Variants in RNF17 observed in about 807,000 individuals in gnomAD.
RNF17 encodes ring finger protein 17.
Under a neutral mutation model 200.5 loss-of-function variants are expected in RNF17, and 31 were observed. The ratio of observed to expected loss-of-function variants is 0.15; its 90% CI spans 0.12 to 0.21. The LOEUF is 0.21. Among genes scored for constraint, RNF17 ranks in the 10% least tolerant of loss-of-function variants. The pLI is 1.00. For missense variants in RNF17, 1,628 were observed against 1,905.1 expected (o/e 0.85, Z 2.71); for synonymous variants, 606 against 637.8 (o/e 0.95, Z 0.75).
chr13:24,780,882 C>CA (rs1160980881), intron 5 of RNF17, among the ~76,000 whole-genome samples: 78 of 141,158 alleles, frequency 5.5e-4, no homozygotes, highest in African/African-American at 1.5e-3. Flanking sequence ...ACTCCGTTTC[C>CA]AAAAAAAAAA....
At chr13:24,842,981 T>C (rs904070333) in intron 19 of RNF17, among the ~76,000 whole-genome samples, 1 of 150,006 alleles carries the variant, frequency 6.7e-6, no homozygotes, top group African/African-American at 2.5e-5. Context: ...AGCAAGACTC[T>C]GTCTAAAAAA....
intron 1 of RNF17, among the ~76,000 whole-genome samples, chr13:24,765,640 A>G (rs1040980238): frequency 5.3e-5 from 8 of 152,252 alleles, no homozygotes; most frequent in African/African-American, 1.7e-4. Flanking sequence ...GTTCTAGAAC[A>G]CAACCTTTTA....
chr13:24,870,669 C>G lies in RNF17; in HGVS notation c.4377C>G (p.Ser1459Arg), dbSNP rs144450852. ...TCAGCGGGGAATCAGAATCCGAGAGCCTTGATGAAGCACTGCAGAGGGTTA... is the reference window on the plus strand; with the variant it reads ...TCAGCGGGGAATCAGAATCCGAGAGGCTTGATGAAGCACTGCAGAGGGTTA... ...SGVSGESESE[S>R]LDEALQRVNK... is the part of the protein sequence containing the mutation. The change falls in exon 32 of 36, where the codon AGC (serine) becomes AGG (arginine). Residue 1459 changes from serine to arginine, a missense_variant. Coordinates refer to ENST00000255324, the MANE Select transcript of RNF17 (RefSeq NM_031277.3). 8.1e-6 allele frequency: 13 copies of G among 1,614,104 alleles called. No homozygotes were observed. Among genetic ancestry groups the G allele is most frequent in the Admixed American group, 1.7e-5 (1 of 60,026 alleles).
chr13:24,843,676 C>A (rs1029469502), intron 19 of RNF17, 68 bp from the exon 20 acceptor site: 6 of 899,174 alleles, frequency 6.7e-6, no homozygotes, highest in Admixed American at 2.1e-5. Flanking sequence ...AGTCAAGATA[C>A]AGACCTGAGC....
intron 1 of RNF17, among the ~76,000 whole-genome samples, chr13:24,765,160 C>T (rs906623012): frequency 1.3e-5 from 2 of 152,074 alleles, no homozygotes; most frequent in Non-Finnish European, 2.9e-5. Flanking sequence ...GGACTACAGG[C>T]GCCCGCCACC....
chr13:24,788,015 A>G lies in RNF17; in HGVS notation c.639A>G (p.Ala213=). ...AAAAGAACCTGTGTGAAGAATTTGCAAGAACTACTGATGATTATCTATCAA... is the reference window on the plus strand; with the variant it reads ...AAAAGAACCTGTGTGAAGAATTTGCGAGAACTACTGATGATTATCTATCAA... ...SRKKNLCEEF[A]RTTDDYLSNL... is the part of the protein sequence containing the mutation. Residue 213 remains alanine (A), a synonymous_variant, in exon 7 of 36, where the codon GCA becomes GCG. Coordinates refer to ENST00000255324, the MANE Select transcript of RNF17 (RefSeq NM_031277.3). 6.4e-7 allele frequency: 1 copy of G among 1,564,448 alleles called. No individual in the cohort carries two copies. The highest frequency in any genetic ancestry group is 2.3e-5 in the East Asian group (1 of 44,008).
the RNF17 span, among the ~76,000 whole-genome samples, chr13:24,750,165 G>T: frequency 0.67 from 101,434 of 152,022 alleles, 34,357 homozygotes; most frequent in African/African-American, 0.76. Context: ...TCAGATTATC[G>T]CTACTTCAGA....
Position 24,825,697 on chromosome 13 carries a change from A to G in RNF17, c.2170A>G (p.Ile724Val). The change falls in exon 16 of 36, where the codon ATC becomes GTC. Residue 724 changes from isoleucine (I) to valine (V), a missense_variant. Physicochemically the swap from Ile to Val is conservative, Grantham distance 29. Transcript: ENST00000255324. ...YKSEDGENLE[I>V]LCPVQDQACV... ...AAGTGAAGATGGAGAAAATCTGGAAATCCTCTGTCCAGTTCAAGATCAAGC... is the reference window on the plus strand; with the variant it reads ...AAGTGAAGATGGAGAAAATCTGGAAGTCCTCTGTCCAGTTCAAGATCAAGC... The G allele has an allele frequency of 6.2e-7, 1 of 1,613,336 alleles. No homozygotes were observed. The highest frequency in any genetic ancestry group is 8.5e-7 in the Non-Finnish European group (1 of 1,179,368).
chr13:24,883,965 T>C, downstream of RNF17: 1 of 1,614,156 alleles, frequency 6.2e-7, no homozygotes, highest in Non-Finnish European at 8.5e-7. Context: ...TGCCATACCG[T>C]TGTACTCTGA....
chr13:24,883,460 T>C, downstream of RNF17: 1 of 952,392 alleles, frequency 1.0e-6, no homozygotes, highest in Non-Finnish European at 1.6e-6. Flanking sequence ...CTTTTGAGTC[T>C]GGCAGCTACT....
chr13:24,879,295 T>G lies in RNF17; in HGVS notation c.*10T>G, dbSNP rs1895193533. On this transcript the variant is annotated splice_region_variant and 3_prime_UTR_variant, in exon 35 of 36. Coordinates refer to ENST00000255324, the MANE Select transcript of RNF17 (RefSeq NM_031277.3). Reference sequence around the variant, plus strand: ...AGATAAAGATGAATAAGTGCCTAAGTGTAAGTTCTCATTCTCTTCATAGCA... The same window carrying G: ...AGATAAAGATGAATAAGTGCCTAAGGGTAAGTTCTCATTCTCTTCATAGCA... 1 of 1,565,880 alleles carries G rather than the reference T, an allele frequency of 6.4e-7. No homozygotes were observed. Among genetic ancestry groups the G allele is most frequent in the Non-Finnish European group, 8.8e-7 (1 of 1,136,504 alleles).
intron 2 of RNF17, among the ~76,000 whole-genome samples, chr13:24,773,431 C>G (rs112855757): frequency 1.1e-3 from 161 of 152,286 alleles, no homozygotes; most frequent in Non-Finnish European, 1.5e-3. Context: ...AGGCCATTAT[C>G]CTAAGCAAAT....
At chr13:24,765,115 A>T (rs1487022117) in intron 1 of RNF17, among the ~76,000 whole-genome samples, 1 of 152,072 alleles carries the variant, frequency 6.6e-6, no homozygotes, top group Non-Finnish European at 1.5e-5. Context: ...TCCCAGGTTC[A>T]CGCCATTCTC....
chr13:24,834,377 T>A (rs1889737871), intron 18 of RNF17, among the ~76,000 whole-genome samples: 1 of 152,148 alleles, frequency 6.6e-6, no homozygotes, highest in African/African-American at 2.4e-5. Context: ...ATTGTGCCAC[T>A]GCACTCCAGC....
At chr13:24,792,017 C>G (rs1883926501) in intron 9 of RNF17, among the ~76,000 whole-genome samples, 1 of 152,166 alleles carries the variant, frequency 6.6e-6, no homozygotes, top group Non-Finnish European at 1.5e-5. Flanking sequence ...AGTCCTTCGG[C>G]TCAGTCATCT....
chr13:24,754,183 T>A, the RNF17 span, among the ~76,000 whole-genome samples: 1 of 151,092 alleles, frequency 6.6e-6, no homozygotes, highest in African/African-American at 2.4e-5. Context: ...AAAAATAAAA[T>A]AAAATAAATA....
intron 6 of RNF17, 69 bp downstream of exon 6, chr13:24,782,013 T>C (rs1882445856): frequency 9.9e-7 from 1 of 1,006,440 alleles, no homozygotes; most frequent in African/African-American, 1.6e-5. Flanking sequence ...TTGTATTCCT[T>C]TGTTTAGAAT....
At chr13:24,772,272 T>C (rs1166975149) in intron 2 of RNF17, among the ~76,000 whole-genome samples, 2 of 152,174 alleles carry the variant, frequency 1.3e-5, no homozygotes, top group Non-Finnish European at 2.9e-5. Flanking sequence ...GTCTTATTAA[T>C]TGGTGGAATA....
At chr13:24,764,580 G>C (rs970955552) in intron 1 of RNF17, among the ~76,000 whole-genome samples, 2 of 152,244 alleles carry the variant, frequency 1.3e-5, no homozygotes, top group Admixed American at 6.5e-5. Context: ...CGACCCTCCA[G>C]CCGGGAGGAT....
Sources: allele counts gnomAD v4.1 joint callset (sites outside exome capture counted in the v4.1 genomes callset), GRCh38; gene constraint gnomAD v4.1.1; transcripts MANE v1.5; gene names NCBI Gene and HGNC (gene_info 2026-07-23, HGNC 2026-07-21).